WDR70: variants seen among roughly 807,000 people sequenced by gnomAD.
WDR70 encodes the protein WD repeat-containing protein 70.
WDR70 carries 53 observed loss-of-function variants against 88.6 expected under a neutral mutation model. The observed-to-expected ratio is 0.60, with a 90% CI of 0.48 to 0.75. The LOEUF is 0.75. Among genes scored for constraint, WDR70 ranks in the 30% least tolerant of loss-of-function variants. WDR70 has a pLI of 0.00. For missense variants in WDR70, 610 were observed against 823.2 expected, an observed-to-expected ratio of 0.74 and a Z score of 3.17; for synonymous variants, 280 against 270.0, an observed-to-expected ratio of 1.04 and a Z score of -0.36.
chr5:37,602,665 A>C (rs1743921392), intron 9 of WDR70, among the ~76,000 whole-genome samples: 1 of 151,054 alleles, frequency 6.6e-6, no homozygotes, highest in African/African-American at 2.4e-5. Context: ...ACTGTCAAAC[A>C]TTGATGAAAG....
intron 5 of WDR70, among the ~76,000 whole-genome samples, chr5:37,428,432 C>G (rs1185526850): frequency 6.6e-6 from 1 of 152,150 alleles, no homozygotes; most frequent in Non-Finnish European, 1.5e-5. Flanking sequence ...TCCATTTTTC[C>G]CTCCATTTAC....
At chr5:37,582,716 C>A (rs151036904) in intron 9 of WDR70, among the ~76,000 whole-genome samples, 1 of 152,322 alleles carries the variant, frequency 6.6e-6, no homozygotes, top group East Asian at 1.9e-4. Context: ...ACAGACCTAA[C>A]ACATGTTTAG....
intron 5 of WDR70, among the ~76,000 whole-genome samples, chr5:37,413,720 C>CA (rs746817084): frequency 0.46 from 49,598 of 107,922 alleles, 11,339 homozygotes; most frequent in Non-Finnish European, 0.58. Context: ...GACTCTGTCT[C>CA]AAAAAAAAAA....
At chr5:37,467,611 A>T (rs1024062150) in intron 7 of WDR70, among the ~76,000 whole-genome samples, 3 of 150,542 alleles carry the variant, frequency 2.0e-5, no homozygotes, top group Non-Finnish European at 4.4e-5. Context: ...ATCTTGGCTC[A>T]CTACAAGCTC....
At chr5:37,612,479 G>A (rs1744216763) in intron 10 of WDR70, among the ~76,000 whole-genome samples, 1 of 152,094 alleles carries the variant, frequency 6.6e-6, no homozygotes, top group South Asian at 2.1e-4. Context: ...ATGTCATATT[G>A]TTATGAGGAT....
At chr5:37,513,531 A>G (rs1210315967) in intron 8 of WDR70, among the ~76,000 whole-genome samples, 5 of 152,214 alleles carry the variant, frequency 3.3e-5, no homozygotes, top group African/African-American at 9.6e-5. Flanking sequence ...TGTGTATATT[A>G]GGGTTCCCTA....
chr5:37,656,083 A>G (rs901963185), intron 10 of WDR70, among the ~76,000 whole-genome samples: 5 of 150,850 alleles, frequency 3.3e-5, no homozygotes, highest in Non-Finnish European at 1.5e-5. Flanking sequence ...GGATTTATCT[A>G]CCTTTGGTCT....
rs1187436953 is a variant in WDR70, at chr5:37,707,921, G to GAAAAAAA, written c.1416+4856_1416+4862dup. Among the ~76,000 whole-genome samples the GAAAAAAA allele has an allele frequency of 6.6e-4, 10 of 15,144 alleles. 4 individuals are homozygous for GAAAAAAA. The highest frequency in any genetic ancestry group is 3.2e-3 in the Admixed American group (2 of 634). 9.9% of individuals were successfully genotyped at this position (15,144 alleles called of 152,430 possible). On this transcript the variant is annotated intron_variant, in intron 13 of 17. Coordinates refer to ENST00000265107, the MANE Select transcript of WDR70 (RefSeq NM_018034.4). Reference sequence around the variant, plus strand: ...AGGGTGAGACTCTGTCTCAAAAAAAGAAAAAAAAAAAAAAAAAAAAAAAAA... The same window carrying GAAAAAAA: ...AGGGTGAGACTCTGTCTCAAAAAAAGAAAAAAAAAAAAAAAAAAAAAAAAAAAAAAAA...
chr5:37,399,004 C>T (rs541866551), intron 5 of WDR70, among the ~76,000 whole-genome samples: 3 of 152,132 alleles, frequency 2.0e-5, no homozygotes, highest in East Asian at 3.9e-4. Flanking sequence ...ATAGGCTGGG[C>T]GTAGTGGCTC....
At chr5:37,380,647 T>C (rs1323029694) in intron 2 of WDR70, among the ~76,000 whole-genome samples, 3 of 151,882 alleles carry the variant, frequency 2.0e-5, no homozygotes, top group Non-Finnish European at 4.4e-5. Flanking sequence ...CAGCCTTTTC[T>C]ATTCTTTTTT....
chr5:37,609,672 G>A (rs1478171445), intron 10 of WDR70, among the ~76,000 whole-genome samples: 5 of 152,180 alleles, frequency 3.3e-5, no homozygotes, highest in African/African-American at 4.8e-5. Flanking sequence ...TGGCCTGCAA[G>A]CCCTTGCCCA....
intron 10 of WDR70, among the ~76,000 whole-genome samples, chr5:37,676,184 G>T (rs1339252199): frequency 6.6e-6 from 1 of 151,138 alleles, no homozygotes; most frequent in Non-Finnish European, 1.5e-5. Context: ...CTGCAAACAG[G>T]GACAATTTGA....
chr5:37,577,310 C>T (rs1353337351), intron 9 of WDR70, among the ~76,000 whole-genome samples: 1 of 151,992 alleles, frequency 6.6e-6, no homozygotes, highest in Non-Finnish European at 1.5e-5. Context: ...GAGACACCTT[C>T]TCTACAAAAA....
intron 9 of WDR70, among the ~76,000 whole-genome samples, chr5:37,532,494 T>C (rs983024530): frequency 2.5e-4 from 38 of 152,168 alleles, no homozygotes; most frequent in African/African-American, 8.9e-4. Flanking sequence ...ATTGGGTTAA[T>C]TCAAAAGCCT....
In WDR70 at chr5:37,579,895, G is replaced by A. The variant is rs189971190; in HGVS notation, c.918-25169G>A. Among the ~76,000 whole-genome samples, 355 of 151,888 alleles carry A rather than the reference G, an allele frequency of 2.3e-3. 1 individual carries two copies. The highest frequency in any genetic ancestry group is 8.1e-3 in the African/African-American group (334 of 41,410). ...CTCTTTTGTATTTCCTTAACACTCC[G>A]TTTTAATTTTGCTGTCCTAGGACTT... On this transcript the variant is annotated intron_variant, in intron 9 of 17. Coordinates refer to ENST00000265107, the MANE Select transcript of WDR70 (RefSeq NM_018034.4).
At chr5:37,714,601 A>G (rs909361184) in intron 13 of WDR70, among the ~76,000 whole-genome samples, 2 of 152,104 alleles carry the variant, frequency 1.3e-5, no homozygotes, top group Non-Finnish European at 2.9e-5. Flanking sequence ...TTGGTATCCC[A>G]TTCTGTGCCC....
intron 9 of WDR70, among the ~76,000 whole-genome samples, chr5:37,598,417 A>G (rs1451274730): frequency 1.3e-5 from 2 of 152,230 alleles, no homozygotes; most frequent in African/African-American, 4.8e-5. Context: ...GGATATAAAC[A>G]TATCTAGGAT....
intron 9 of WDR70, among the ~76,000 whole-genome samples, chr5:37,555,852 G>T (rs1017439289): frequency 6.6e-6 from 1 of 152,070 alleles, no homozygotes; most frequent in Non-Finnish European, 1.5e-5. Flanking sequence ...CCGAGTAGCT[G>T]GGACTACAGG....
chr5:37,508,813 T>C (rs532765844), intron 8 of WDR70, among the ~76,000 whole-genome samples: 2 of 152,320 alleles, frequency 1.3e-5, no homozygotes, highest in East Asian at 3.9e-4. Flanking sequence ...TTTGGAAGTG[T>C]ACTATCCAAT....
Sources: gnomAD v4.1 joint callset for allele counts (sites outside exome capture counted in the v4.1 genomes callset) on GRCh38, gnomAD v4.1.1 for gene constraint, MANE v1.5 for transcripts, NCBI Gene and HGNC (gene_info 2026-07-23, HGNC 2026-07-21) for gene names.